Variants in FAM13A observed in about 807,000 individuals in gnomAD.
The protein encoded by FAM13A is family with sequence similarity 13 member A, also known as protein FAM13A.
In FAM13A, 76 loss-of-function variants were observed where a neutral mutation model predicts 129.6. That is an observed-to-expected ratio of 0.59 (90% CI 0.49 to 0.71). The LOEUF (loss-of-function observed/expected upper bound fraction) is 0.71. Ranked by LOEUF, FAM13A falls within the 30% of genes least tolerant of loss-of-function variation. The probability of loss-of-function intolerance (pLI) is 0.00; values close to 1 mark genes in which losing one functional copy is unlikely to be tolerated. For missense variants in FAM13A, 1,108 were observed against 1,249.3 expected, an observed-to-expected ratio of 0.89 and a Z score of 1.70; for synonymous variants, 443 against 449.9, an observed-to-expected ratio of 0.98 and a Z score of 0.20.
intron 3 of FAM13A, among the ~76,000 whole-genome samples, chr4:88,993,990 CAAAA>C (rs777042795): frequency 8.0e-6 from 1 of 124,656 alleles, no homozygotes; most frequent in Non-Finnish European, 1.7e-5. Context: ...GACCCTGCCT[CAAAA>C]AAAAAAAAAA....
chr4:89,032,101 G>T (rs144546069), intron 1 of FAM13A, among the ~76,000 whole-genome samples: 6 of 152,002 alleles, frequency 3.9e-5, no homozygotes, highest in Middle Eastern at 6.8e-3. Context: ...AAAATTAGCC[G>T]GACATGGTGG....
At chr4:88,945,990 G>GTGTGTGTGTGTA in intron 4 of FAM13A, among the ~76,000 whole-genome samples, 153 of 61,888 alleles carry the variant, frequency 2.5e-3, no homozygotes, top group Middle Eastern at 0.01. Context: ...GTGTGTGTGT[G>GTGTGTGTGTGTA]TATATATATA....
At chr4:88,917,947 CTG>C (rs1561330704) in intron 5 of FAM13A, among the ~76,000 whole-genome samples, 1 of 152,178 alleles carries the variant, frequency 6.6e-6, no homozygotes, top group Non-Finnish European at 1.5e-5. Flanking sequence ...GACTCAAAAA[CTG>C]AGAATAGCTA....
chr4:88,881,401 G>C (rs559644037), intron 6 of FAM13A, among the ~76,000 whole-genome samples: 1 of 152,270 alleles, frequency 6.6e-6, no homozygotes, highest in Non-Finnish European at 1.5e-5. Context: ...TCAGCTCTCA[G>C]AAAGCCACAT....
intron 5 of FAM13A, among the ~76,000 whole-genome samples, chr4:88,911,832 A>G (rs1749131346): frequency 6.6e-6 from 1 of 152,164 alleles, no homozygotes; most frequent in Non-Finnish European, 1.5e-5. Flanking sequence ...TACATCTCCC[A>G]TTAGCTATGG....
intron 4 of FAM13A, among the ~76,000 whole-genome samples, chr4:88,971,227 AAAAG>A (rs1293265777): frequency 8.5e-5 from 13 of 152,168 alleles, no homozygotes; most frequent in African/African-American, 3.1e-4. Flanking sequence ...CAAAAAGAGA[AAAAG>A]AAAAGGCACA....
chr4:88,773,751 A>T (rs1721150328), intron 11 of FAM13A, among the ~76,000 whole-genome samples: 1 of 151,990 alleles, frequency 6.6e-6, no homozygotes, highest in Admixed American at 6.6e-5. Flanking sequence ...CTCTCCCTTG[A>T]CCTCCAGATT....
At chr4:88,859,141 G>A (rs1739054900) in intron 6 of FAM13A, among the ~76,000 whole-genome samples, 1 of 152,174 alleles carries the variant, frequency 6.6e-6, no homozygotes. Flanking sequence ...CAGTTCTGCT[G>A]TGAAGAATAG....
At chr4:89,053,883 T>C (rs190294762) in intron 1 of FAM13A, among the ~76,000 whole-genome samples, 48 of 152,248 alleles carry the variant, frequency 3.2e-4, no homozygotes, top group African/African-American at 1.1e-3. Flanking sequence ...GATGCCACAT[T>C]GGATAGAACA....
At chr4:88,987,562 A>T (rs955314845) in intron 4 of FAM13A, among the ~76,000 whole-genome samples, 1 of 152,100 alleles carries the variant, frequency 6.6e-6, no homozygotes, top group African/African-American at 2.4e-5. Flanking sequence ...TGGCCAAAAA[A>T]CTTAATCTGA....
chr4:88,985,848 T>A (rs376721576), intron 4 of FAM13A, among the ~76,000 whole-genome samples: 53 of 144,868 alleles, frequency 3.7e-4, no homozygotes, highest in Admixed American at 3.4e-4. Flanking sequence ...CAAAAAAGAA[T>A]AAAAAAAAAA....
intron 5 of FAM13A, among the ~76,000 whole-genome samples, chr4:88,933,032 T>A (rs1753293789): frequency 6.6e-6 from 1 of 152,128 alleles, no homozygotes; most frequent in Non-Finnish European, 1.5e-5. Context: ...AAATAAAGCA[T>A]TAAAGTACGA....
chr4:88,776,474 A>C (rs1721737010), intron 11 of FAM13A, among the ~76,000 whole-genome samples: 1 of 152,200 alleles, frequency 6.6e-6, no homozygotes, highest in Non-Finnish European at 1.5e-5. Context: ...CACTTAAAAT[A>C]TAACTTGTCA....
chr4:89,020,007 C>T (rs78036598), intron 3 of FAM13A, among the ~76,000 whole-genome samples: 7,349 of 152,046 alleles, frequency 0.048, 282 homozygotes, highest in South Asian at 0.22. Flanking sequence ...CCTTTTATGA[C>T]AGTCATTAGT....
intron 2 of FAM13A, among the ~76,000 whole-genome samples, chr4:89,028,364 T>C (rs1370090718): frequency 1.3e-5 from 2 of 152,002 alleles, no homozygotes; most frequent in Non-Finnish European, 2.9e-5. Flanking sequence ...CAGAATATTT[T>C]TGAAGCCTCA....
At chr4:88,930,992 C>G (rs780533037) in intron 5 of FAM13A, among the ~76,000 whole-genome samples, 26 of 152,184 alleles carry the variant, frequency 1.7e-4, no homozygotes, top group South Asian at 1.0e-3. Context: ...GAGGCACAGC[C>G]TAGTGTTAAA....
At chr4:89,016,221 A>G (rs1235739891) in intron 3 of FAM13A, among the ~76,000 whole-genome samples, 1 of 151,872 alleles carries the variant, frequency 6.6e-6, no homozygotes, top group Non-Finnish European at 1.5e-5. Context: ...ACAAAGTAAA[A>G]AAAGAAAAAA....
At chr4:88,919,307 A>T (rs937174119) in intron 5 of FAM13A, among the ~76,000 whole-genome samples, 1 of 152,240 alleles carries the variant, frequency 6.6e-6, no homozygotes, top group African/African-American at 2.4e-5. Context: ...AATGCACAGA[A>T]TTGATTCACC....
chr4:88,943,807 TGAA>T (rs944541469), intron 4 of FAM13A, among the ~76,000 whole-genome samples: 82 of 152,334 alleles, frequency 5.4e-4, no homozygotes, highest in African/African-American at 1.9e-3. Context: ...AATGAACTGA[TGAA>T]GAAGAATTAT....
Sources: allele counts gnomAD v4.1 joint callset (sites outside exome capture counted in the v4.1 genomes callset), GRCh38; gene constraint gnomAD v4.1.1; transcripts MANE v1.5; gene names NCBI Gene and HGNC (gene_info 2026-07-23, HGNC 2026-07-21).